The following DLGAP1 variants were observed in gnomAD, a reference collection of about 807,000 sequenced individuals.
DLGAP1 encodes the protein DLG associated protein 1.
DLGAP1 carries 11 observed loss-of-function variants against 90.8 expected under a neutral mutation model. That is an observed-to-expected ratio of 0.12 (90% CI 0.08 to 0.20). The LOEUF (loss-of-function observed/expected upper bound fraction) is 0.20. Among genes scored for constraint, DLGAP1 ranks in the 10% least tolerant of loss-of-function variants. The pLI is 1.00. For synonymous variants in DLGAP1, 558 were observed against 540.7 expected, an observed-to-expected ratio of 1.03 and a Z score of -0.44; for missense variants, 1,050 against 1,333.8, an observed-to-expected ratio of 0.79 and a Z score of 3.31.
intron 2 of DLGAP1, among the ~76,000 whole-genome samples, chr18:4,078,999 G>A (rs537317869): frequency 5.3e-5 from 8 of 152,182 alleles, no homozygotes; most frequent in African/African-American, 1.9e-4. Flanking sequence ...ATAACCCTTA[G>A]ATGAAGAAGT....
chr18:3,977,432 G>GTTTTTTTTTTTTTTTT (rs1467413382), intron 3 of DLGAP1, among the ~76,000 whole-genome samples: 1 of 52,752 alleles, frequency 1.9e-5, no homozygotes, highest in African/African-American at 8.6e-5. Flanking sequence ...TGTTTATTCT[G>GTTTTTTTTTTTTTTTT]TGTTTTTTTT....
chr18:3,939,181 G>GGGAA (rs35017707), intron 3 of DLGAP1, among the ~76,000 whole-genome samples: 1 of 11,366 alleles, frequency 8.8e-5, no homozygotes, highest in South Asian at 1.9e-3. Context: ...CCAGCACTTT[G>GGGAA]GCCAAGGTGG....
intron 3 of DLGAP1, among the ~76,000 whole-genome samples, chr18:3,936,208 C>T (rs899454436): frequency 6.6e-6 from 1 of 152,218 alleles, no homozygotes; most frequent in Non-Finnish European, 1.5e-5. Context: ...GACACAATCT[C>T]ATACTGATGT....
chr18:4,220,276 ATCTAAATC>A (rs951162660), intron 1 of DLGAP1, among the ~76,000 whole-genome samples: 6 of 40,372 alleles, frequency 1.5e-4, no homozygotes, highest in Non-Finnish European at 4.0e-4. Flanking sequence ...AGTACATAAA[ATCTAAATC>A]TCTCTTTCCT....
intron 1 of DLGAP1, among the ~76,000 whole-genome samples, chr18:4,423,978 T>G (rs2083097890): frequency 6.7e-6 from 1 of 150,076 alleles, no homozygotes; most frequent in East Asian, 2.0e-4. Context: ...ATGGTGAAAC[T>G]CCATCTCTAC....
intron 1 of DLGAP1, among the ~76,000 whole-genome samples, chr18:4,308,301 G>A (rs776029550): frequency 2.0e-5 from 3 of 152,172 alleles, no homozygotes; most frequent in Admixed American, 6.5e-5. Context: ...TAACTGTACT[G>A]ATTTCTACCA....
intron 5 of DLGAP1, chr18:3,771,257 T>TA (rs1206885518): frequency 6.6e-6 from 1 of 152,336 alleles, no homozygotes; most frequent in Non-Finnish European, 1.5e-5. Flanking sequence ...AATCCGCTCT[T>TA]GTTCTTCTCT....
intron 1 of DLGAP1, among the ~76,000 whole-genome samples, chr18:4,166,490 C>A (rs550865752): frequency 6.6e-6 from 1 of 152,222 alleles, no homozygotes; most frequent in South Asian, 2.1e-4. Context: ...ACATGGGAGA[C>A]GAAGGTCGTT....
intron 4 of DLGAP1, among the ~76,000 whole-genome samples, chr18:3,815,985 G>A (rs148860695): frequency 1.3e-4 from 20 of 152,242 alleles, no homozygotes; most frequent in Middle Eastern, 3.4e-3. Context: ...AATTGGCCAG[G>A]TTTGCAATGA....
At position 4,115,089 on chromosome 18, in the gene DLGAP1, A is replaced by T. The variant is rs367849342; in HGVS notation, c.-159+36091T>A. ...TATTTTCTAGTGTGATATTTATTTA[A>T]CTTATCTTAATGATCTTTAAATAAT... On this transcript the variant is annotated intron_variant, in intron 2 of 12. Transcript: ENST00000315677. Among the ~76,000 whole-genome samples, 15 of 152,108 alleles carry T rather than the reference A, an allele frequency of 9.9e-5. 2 individuals are homozygous for T. The highest frequency in any genetic ancestry group is 6.5e-5 in the Admixed American group (1 of 15,282).
chr18:4,265,782 G>A lies in DLGAP1; in HGVS notation c.-266-114495C>T, dbSNP rs1402743498. ...GTCTCACTGCAGCCTTGACCTCCCC[G>A]GCTCAACTGATCTTCCTGCCTCCGC... On this transcript the variant is annotated intron_variant, in intron 1 of 12. Transcript: ENST00000315677. Among the ~76,000 whole-genome samples the A allele has an allele frequency of 4.7e-5, 7 of 150,474 alleles. No individual in the cohort carries two copies. The South Asian group carries it at 8.5e-4, about 18-fold the overall frequency.
At chr18:4,238,197 T>A (rs1454034828) in intron 1 of DLGAP1, among the ~76,000 whole-genome samples, 2 of 152,192 alleles carry the variant, frequency 1.3e-5, no homozygotes, top group Non-Finnish European at 2.9e-5. Flanking sequence ...TAAAAGATAA[T>A]GCTATTTTCT....
At chr18:3,695,963 T>C (rs187042616) in intron 7 of DLGAP1, among the ~76,000 whole-genome samples, 98 of 152,372 alleles carry the variant, frequency 6.4e-4, no homozygotes, top group East Asian at 3.1e-3. Context: ...TTTGTAGCAA[T>C]TGTGAATGAG....
intron 1 of DLGAP1, among the ~76,000 whole-genome samples, chr18:4,152,028 A>AT (rs1363863631): frequency 1.3e-5 from 2 of 152,224 alleles, no homozygotes; most frequent in African/African-American, 4.8e-5. Flanking sequence ...AATGGAACAT[A>AT]TAACTGGACC....
intron 7 of DLGAP1, among the ~76,000 whole-genome samples, chr18:3,614,440 T>C (rs754865836): frequency 6.6e-6 from 1 of 152,092 alleles, no homozygotes; most frequent in African/African-American, 2.4e-5. Flanking sequence ...TAATCATAAA[T>C]TGCACACTTC....
At chr18:4,266,173 A>C (rs2079128091) in intron 1 of DLGAP1, among the ~76,000 whole-genome samples, 1 of 152,212 alleles carries the variant, frequency 6.6e-6, no homozygotes, top group Admixed American at 6.6e-5. Flanking sequence ...ATATTGAATA[A>C]AACTACCCAT....
At chr18:3,851,331 C>T (rs1568237883) in intron 4 of DLGAP1, among the ~76,000 whole-genome samples, 1 of 152,090 alleles carries the variant, frequency 6.6e-6, no homozygotes, top group Non-Finnish European at 1.5e-5. Context: ...ATTTGTGTTC[C>T]CATGTGACAG....
intron 5 of DLGAP1, 128 bp downstream of exon 5, chr18:3,813,931 A>G: frequency 2.3e-6 from 2 of 872,520 alleles, no homozygotes; most frequent in South Asian, 3.1e-5. Context: ...TAAAGTCACA[A>G]TCAATGTACT....
intron 7 of DLGAP1, chr18:3,596,826 CTGAT>C (rs2056601127): frequency 1.9e-6 from 1 of 519,850 alleles, no homozygotes; most frequent in Admixed American, 1.9e-5. Context: ...GCTGTGATCT[CTGAT>C]TGTGCAGTGT....
Sources: allele counts gnomAD v4.1 joint callset (sites outside exome capture counted in the v4.1 genomes callset), GRCh38; gene constraint gnomAD v4.1.1; transcripts MANE v1.5; gene names NCBI Gene and HGNC (gene_info 2026-07-23, HGNC 2026-07-21).